UHMK1: variants seen among roughly 807,000 people sequenced by gnomAD.
UHMK1 encodes U2AF homology motif kinase 1, also known as serine/threonine-protein kinase Kist.
Under a neutral mutation model 44.0 loss-of-function variants are expected in UHMK1, and 18 were observed. That is an observed-to-expected ratio of 0.41 (90% confidence interval 0.28 to 0.61). UHMK1 has a LOEUF of 0.61. UHMK1 is among the 20% of genes least tolerant of loss of function. The pLI, the probability that UHMK1 is intolerant of heterozygous loss-of-function variation, is 0.31. For synonymous variants in UHMK1, 231 were observed against 198.5 expected (o/e 1.16, Z -1.38); for missense variants, 463 against 522.5 (o/e 0.89, Z 1.11).
At chr1:162,519,354 G>A (rs1021702831) in intron 7 of UHMK1, among the ~76,000 whole-genome samples, 1 of 151,476 alleles carries the variant, frequency 6.6e-6, no homozygotes, top group Non-Finnish European at 1.5e-5. Context: ...GCTAAATCAT[G>A]CTTTATTTCA....
intron 4 of UHMK1, among the ~76,000 whole-genome samples, chr1:162,507,224 A>G (rs1174791607): frequency 2.0e-5 from 3 of 151,618 alleles, no homozygotes; most frequent in South Asian, 2.1e-4. Flanking sequence ...GGTTCAAGCA[A>G]TTCTCCCACA....
chr1:162,502,791 GTTAT>G (rs778901376), intron 3 of UHMK1, among the ~76,000 whole-genome samples: 2 of 152,162 alleles, frequency 1.3e-5, no homozygotes, highest in African/African-American at 2.4e-5. Flanking sequence ...CTCTTACTAA[GTTAT>G]TTATTTAGGT....
chr1:162,522,944 T>C lies in UHMK1; in HGVS notation c.*394T>C, dbSNP rs1652113809. The C allele has an allele frequency of 6.0e-6, 1 of 165,346 alleles. No individual in the cohort carries two copies. The highest frequency in any genetic ancestry group is 2.4e-5 in the African/African-American group (1 of 41,640). 10.2% of individuals were successfully genotyped at this position (165,346 alleles called of 1,614,324 possible). On this transcript the variant is annotated 3_prime_UTR_variant, in exon 8 of 8. Transcript: ENST00000489294. ...ACATCATTTACAGATTATTTCTTTATGTTGTCCAGTGGTTCTTCCTTATTG... is the reference window on the plus strand; with the variant it reads ...ACATCATTTACAGATTATTTCTTTACGTTGTCCAGTGGTTCTTCCTTATTG...
chr1:162,505,164 A>G lies in UHMK1; in HGVS notation c.848+1316A>G, dbSNP rs193001184. Among the ~76,000 whole-genome samples, 673 of 152,266 alleles carry G rather than the reference A, an allele frequency of 4.4e-3. 5 individuals are homozygous for G. The highest frequency in any genetic ancestry group is 0.016 in the South Asian group (78 of 4,824). On this transcript the variant is annotated intron_variant, in intron 4 of 7. Transcript: ENST00000489294. ...TTTTCTTTATCTTATTTACTTTTAA[A>G]ATTTTTTGTTAAAAACTGAGACACA...
At chr1:162,504,170 A>G (rs1363309209) in intron 4 of UHMK1, among the ~76,000 whole-genome samples, 1 of 152,264 alleles carries the variant, frequency 6.6e-6, no homozygotes, top group East Asian at 1.9e-4. Context: ...TTGCTTTTGG[A>G]CTACTCCCCT....
intron 6 of UHMK1, chr1:162,513,104 G>C (rs758245595): frequency 2.9e-6 from 1 of 339,820 alleles, no homozygotes; most frequent in South Asian, 2.6e-5. Flanking sequence ...ACCAGACCTG[G>C]CTAATTTTGT....
chr1:162,513,985 T>C (rs1651752905), intron 6 of UHMK1, among the ~76,000 whole-genome samples: 1 of 152,228 alleles, frequency 6.6e-6, no homozygotes, highest in African/African-American at 2.4e-5. Context: ...ACCTGTATTT[T>C]AGTAGGGACA....
chr1:162,523,721 C>G lies in UHMK1; in HGVS notation c.*1171C>G, dbSNP rs928010038. ...TTTCTCGTATCCCTGCTCCCTTTTT[C>G]CTCCCCTTCCCTCATTCTTTGCCTC... On this transcript the variant is annotated 3_prime_UTR_variant, in exon 8 of 8. Transcript: ENST00000489294. 6.6e-6 allele frequency: 1 copy of G among 151,984 alleles called. No homozygotes were observed. The highest frequency in any genetic ancestry group is 1.5e-5 in the Non-Finnish European group (1 of 67,960). 9.4% of individuals were successfully genotyped at this position (151,984 alleles called of 1,614,324 possible).
chr1:162,522,644 A>G lies in UHMK1; in HGVS notation c.*94A>G, dbSNP rs1652100937. 1.3e-5 allele frequency: 17 copies of G among 1,347,152 alleles called. No individual in the cohort carries two copies. Among genetic ancestry groups the G allele is most frequent in the Non-Finnish European group, 1.6e-5 (16 of 982,474 alleles). The allele number at this position is 1,347,152 out of a possible 1,614,324, so 83.4% of individuals were successfully genotyped here. On this transcript the variant is annotated 3_prime_UTR_variant, in exon 8 of 8. Coordinates refer to ENST00000489294, the MANE Select transcript of UHMK1 (RefSeq NM_175866.5). ...GGACTACCCCCTTACCATTTTAAGA[A>G]GGTACTTTATACATTTATTTAATCC... is the stretch of plus-strand genomic sequence containing the variant.
At chr1:162,519,604 T>C (rs1039870158) in intron 7 of UHMK1, among the ~76,000 whole-genome samples, 1 of 152,236 alleles carries the variant, frequency 6.6e-6, no homozygotes, top group African/African-American at 2.4e-5. Flanking sequence ...GCATTTTCTT[T>C]AGAAACTCTA....
intron 4 of UHMK1, among the ~76,000 whole-genome samples, chr1:162,511,909 T>G (rs1651682649): frequency 6.6e-6 from 1 of 152,114 alleles, no homozygotes; most frequent in Non-Finnish European, 1.5e-5. Context: ...AAATATTTTT[T>G]TTTCCCTGGG....
chr1:162,509,599 T>A (rs1651595840), intron 4 of UHMK1, among the ~76,000 whole-genome samples: 1 of 152,202 alleles, frequency 6.6e-6, no homozygotes, highest in Admixed American at 6.5e-5. Flanking sequence ...GCCAATATAG[T>A]GCAAATCTTA....
chr1:162,501,926 T>TAA (rs34424551), intron 3 of UHMK1, among the ~76,000 whole-genome samples: 62 of 130,300 alleles, frequency 4.8e-4, no homozygotes, highest in South Asian at 7.4e-4. Context: ...CAGTCTCTAG[T>TAA]AAAAAAAAAA....
intron 7 of UHMK1, 81 bp downstream of exon 7, chr1:162,518,271 T>A: frequency 9.8e-7 from 1 of 1,020,130 alleles, no homozygotes; most frequent in Non-Finnish European, 1.5e-6. Flanking sequence ...TGTAGGAAGA[T>A]GTACAACAAA....
chr1:162,515,103 T>C (rs541750946), intron 6 of UHMK1, among the ~76,000 whole-genome samples: 7 of 152,292 alleles, frequency 4.6e-5, no homozygotes, highest in Admixed American at 4.6e-4. Context: ...GCCCATAAAT[T>C]ATATCAGTTT....
chr1:162,506,202 T>A (rs1237115713), intron 4 of UHMK1, among the ~76,000 whole-genome samples: 3 of 139,932 alleles, frequency 2.1e-5, no homozygotes, highest in Non-Finnish European at 4.5e-5. Flanking sequence ...ACTTTCTTAT[T>A]TTTATTTTTT....
chr1:162,516,494 T>C (rs78909732), intron 6 of UHMK1, among the ~76,000 whole-genome samples: 1 of 152,294 alleles, frequency 6.6e-6, no homozygotes, highest in East Asian at 1.9e-4. Context: ...AGGAAGGAGA[T>C]ACTTTTTTAA....
chr1:162,515,811 G>A (rs903665565), intron 6 of UHMK1, among the ~76,000 whole-genome samples: 1 of 151,620 alleles, frequency 6.6e-6, no homozygotes. Context: ...GAGGCGGATG[G>A]ATCACGAGGT....
At position 162,504,878 on chromosome 1, in the gene UHMK1, G is replaced by A. The variant is rs187641613; in HGVS notation, c.848+1030G>A. Among the ~76,000 whole-genome samples, 90 of 152,162 alleles carry A rather than the reference G, an allele frequency of 5.9e-4. 1 individual carries two copies. The Middle Eastern group carries it at 0.01, about 17-fold the overall frequency. ...CAACCTCTGCCTCCCAGATTCAAGC[G>A]ATTCTTGTGCCTCAGCCTCTTGAGT... On this transcript the variant is annotated intron_variant, in intron 4 of 7. Coordinates refer to ENST00000489294, the MANE Select transcript of UHMK1 (RefSeq NM_175866.5).
Sources: gnomAD v4.1 joint callset for allele counts (sites outside exome capture counted in the v4.1 genomes callset) on GRCh38, gnomAD v4.1.1 for gene constraint, MANE v1.5 for transcripts, NCBI Gene and HGNC (gene_info 2026-07-23, HGNC 2026-07-21) for gene names.